TENT4B: variants seen among roughly 807,000 people sequenced by gnomAD.
The protein encoded by TENT4B is PAP associated domain containing 5.
TENT4B carries 10 observed loss-of-function variants against 75.0 expected under a neutral mutation model. That is an observed-to-expected ratio of 0.13 (90% confidence interval 0.08 to 0.23). TENT4B has a LOEUF of 0.23. Ranked by LOEUF, TENT4B falls within the 10% of genes least tolerant of loss-of-function variation. The pLI is 1.00. For synonymous variants in TENT4B, 350 were observed against 357.7 expected (o/e 0.98, Z 0.24); for missense variants, 579 against 893.8 (o/e 0.65, Z 4.49).
At chr16:50,195,949 GAT>G (rs2030210158) in intron 1 of TENT4B, among the ~76,000 whole-genome samples, 1 of 152,178 alleles carries the variant, frequency 6.6e-6, no homozygotes, top group Non-Finnish European at 1.5e-5. Context: ...GTCTACAATA[GAT>G]ATAGTAGAAA....
At chr16:50,179,192 G>T (rs1005289106) in intron 1 of TENT4B, among the ~76,000 whole-genome samples, 2 of 151,990 alleles carry the variant, frequency 1.3e-5, no homozygotes, top group African/African-American at 4.8e-5. Flanking sequence ...GAGAAACCCC[G>T]TCTCTACTAA....
At chr16:50,156,291 A>G (rs1451589878) in intron 1 of TENT4B, among the ~76,000 whole-genome samples, 1 of 151,668 alleles carries the variant, frequency 6.6e-6, no homozygotes, top group Non-Finnish European at 1.5e-5. Flanking sequence ...AATTCCCAAG[A>G]GTGTTAAGAG....
intron 2 of TENT4B, among the ~76,000 whole-genome samples, chr16:50,212,212 A>G (rs915827946): frequency 3.3e-5 from 5 of 152,020 alleles, no homozygotes; most frequent in African/African-American, 1.2e-4. Context: ...GCACGCCACC[A>G]CACTTAGCTA....
intron 1 of TENT4B, among the ~76,000 whole-genome samples, chr16:50,183,480 GTCTT>G (rs1044321793): frequency 1.4e-5 from 2 of 147,564 alleles, no homozygotes; most frequent in African/African-American, 5.0e-5. Flanking sequence ...TAATGTGCTG[GTCTT>G]TCTATTTTTC....
chr16:50,206,528 T>G (rs957770489), intron 1 of TENT4B, among the ~76,000 whole-genome samples: 14 of 152,086 alleles, frequency 9.2e-5, no homozygotes, highest in African/African-American at 3.4e-4. Context: ...CTGGGAAAGC[T>G]GGACCTTGAT....
chr16:50,206,410 T>C (rs1469838174), intron 1 of TENT4B, among the ~76,000 whole-genome samples: 4 of 151,222 alleles, frequency 2.6e-5, no homozygotes, highest in Admixed American at 2.6e-4. Flanking sequence ...ACAGTTTGTT[T>C]TGGTGGAGGG....
intron 1 of TENT4B, among the ~76,000 whole-genome samples, chr16:50,183,207 C>A (rs2038456862): frequency 1.3e-5 from 2 of 151,870 alleles, no homozygotes; most frequent in Admixed American, 6.6e-5. Context: ...CCACACCCGG[C>A]TAATTTTTCT....
chr16:50,217,807 C>T, intron 5 of TENT4B, 144 bp downstream of exon 5: 1 of 353,358 alleles, frequency 2.8e-6, no homozygotes, highest in Non-Finnish European at 5.0e-6. Flanking sequence ...ACTCTGTCAC[C>T]TAGGCTGGAG....
Position 50,227,936 on chromosome 16 carries a change from C to T in TENT4B, c.1898C>T (p.Ser633Phe). The change falls in exon 11 of 12, where the codon TCT becomes TTT. Residue 633 changes from serine (S) to phenylalanine (F), a missense_variant. This residue lies in a region of TENT4B where 164 missense variants were observed against 226.5 expected (regional missense o/e 0.72). Coordinates refer to ENST00000561678, the MANE Select transcript of TENT4B (RefSeq NM_001365324.3). ...TCGCAAGATGTATCCTTGGAGTCCT[C>T]TCAGGCAGTTGGGAAAATGCAAAGC... ...VGSQDVSLES[S>F]QAVGKMQSTQ... is the part of the protein sequence containing the mutation. 6.2e-6 allele frequency: 10 copies of T among 1,613,976 alleles called. No homozygotes were observed. Among genetic ancestry groups the T allele is most frequent in the Non-Finnish European group, 8.5e-6 (10 of 1,179,890 alleles).
Position 50,229,701 on chromosome 16 carries a change from A to G in TENT4B, c.*373A>G. 1.0e-6 allele frequency: 1 copy of G among 993,584 alleles called. No homozygotes were observed. The highest frequency in any genetic ancestry group is 1.2e-6 in the Non-Finnish European group (1 of 835,332). 61.5% of individuals were successfully genotyped at this position (993,584 alleles called of 1,614,324 possible). On this transcript the variant is annotated 3_prime_UTR_variant, in exon 12 of 12. Transcript: ENST00000561678. ...TAGGGTGATAGAAACAAAAAACAGT[A>G]TCAGAGGATGAGGTGGGGAAGGAAA...
chr16:50,173,195 C>G (rs531845885), intron 1 of TENT4B, among the ~76,000 whole-genome samples: 19 of 152,282 alleles, frequency 1.2e-4, no homozygotes, highest in South Asian at 6.2e-4. Context: ...CCACCCACCT[C>G]GGCCTCCCAA....
intron 1 of TENT4B, among the ~76,000 whole-genome samples, chr16:50,187,453 C>CGT (rs1178773869): frequency 6.6e-6 from 1 of 152,136 alleles, no homozygotes; most frequent in Non-Finnish European, 1.5e-5. Context: ...CATGGTGATG[C>CGT]ATACCTGTGG....
intron 2 of TENT4B, 96 bp downstream of exon 2, chr16:50,211,542 G>A: frequency 1.5e-6 from 2 of 1,351,602 alleles, no homozygotes; most frequent in South Asian, 1.9e-5. Context: ...TCACATGCAA[G>A]TAGAAGTGCT....
rs140260588 is a variant in TENT4B, at chr16:50,220,283, C to T, written c.1039-2023C>T. 1.4e-4 allele frequency among the ~76,000 whole-genome samples: 21 copies of T among 152,036 alleles called. No homozygotes were observed. In the East Asian group the frequency reaches 2.5e-3, roughly 18 times the overall value. The stretch of plus-strand genomic sequence containing the variant: ...GATTACAGGCGTGAGCCACTGAGCC[C>T]GGCCACTTTTTTATTTTATTTTTTA... On this transcript the variant is annotated intron_variant, in intron 5 of 11. Transcript: ENST00000561678.
At chr16:50,228,516 T>C (rs765217078) in intron 11 of TENT4B, among the ~76,000 whole-genome samples, 6 of 152,150 alleles carry the variant, frequency 3.9e-5, no homozygotes, top group Non-Finnish European at 5.9e-5. Flanking sequence ...AACTGAGTAA[T>C]GACTCAGAGT....
intron 3 of TENT4B, 93 bp downstream of exon 3, chr16:50,214,360 A>T: frequency 1.0e-6 from 1 of 976,432 alleles, no homozygotes; most frequent in Non-Finnish European, 1.5e-6. Context: ...AAACAAATTT[A>T]TAAAACAAAA....
In TENT4B at chr16:50,234,248, G is replaced by T. The variant is rs1160666651; in HGVS notation, c.*4920G>T. The stretch of plus-strand genomic sequence containing the variant: ...GCGGGAGGATGGCTTGAGGCTGGGA[G>T]TTTGAGACCTTCATCTCTTAAAAAA... On this transcript the variant is annotated 3_prime_UTR_variant, in exon 12 of 12. Transcript: ENST00000561678. 2.0e-6 allele frequency: 2 copies of T among 985,428 alleles called. No homozygotes were observed. Among genetic ancestry groups the T allele is most frequent in the Non-Finnish European group, 2.4e-6 (2 of 830,046 alleles). The allele number at this position is 985,428 out of a possible 1,614,324, so 61.0% of individuals were successfully genotyped here. A position where few individuals can be genotyped will look rare whatever the true frequency, so the allele number is the denominator to read the frequency against.
intron 1 of TENT4B, among the ~76,000 whole-genome samples, chr16:50,200,906 C>A (rs2030602903): frequency 6.6e-6 from 1 of 152,002 alleles, no homozygotes; most frequent in African/African-American, 2.4e-5. Flanking sequence ...AAGCAATCCT[C>A]TTGCCTCAGC....
Position 50,231,756 on chromosome 16 carries a change from A to T in TENT4B, c.*2428A>T. The stretch of plus-strand genomic sequence containing the variant: ...AATGACCAGCATTGTATTCGTGAAT[A>T]CTGTGTATCTTGCAGTGAACAGTGT... On this transcript the variant is annotated 3_prime_UTR_variant, in exon 12 of 12. Coordinates refer to ENST00000561678, the MANE Select transcript of TENT4B (RefSeq NM_001365324.3). The T allele has an allele frequency of 4.1e-6, 4 of 985,868 alleles. No individual in the cohort carries two copies. Among genetic ancestry groups the T allele is most frequent in the Non-Finnish European group, 4.8e-6 (4 of 829,910 alleles). 61.1% of individuals were successfully genotyped at this position (985,868 alleles called of 1,614,324 possible). A position where few individuals can be genotyped will look rare whatever the true frequency, so the allele number is the denominator to read the frequency against.
Sources: gnomAD v4.1 joint callset for allele counts (sites outside exome capture counted in the v4.1 genomes callset) on GRCh38, gnomAD v4.1.1 for gene constraint, gnomAD v4.1.1 regional missense constraint, MANE v1.5 for transcripts, NCBI Gene and HGNC (gene_info 2026-07-23, HGNC 2026-07-21) for gene names.